SYT9: variants seen among roughly 807,000 people sequenced by gnomAD.
SYT9 encodes the protein synaptotagmin 9.
Under a neutral mutation model 48.4 loss-of-function variants are expected in SYT9, and 22 were observed. That is an observed-to-expected ratio of 0.45 (90% CI 0.32 to 0.65). The LOEUF (loss-of-function observed/expected upper bound fraction) is 0.65, where lower values mean the gene tolerates loss of function less well. Among genes scored for constraint, SYT9 ranks in the 30% least tolerant of loss-of-function variants. The probability of loss-of-function intolerance (pLI) is 0.03; values close to 1 mark genes in which losing one functional copy is unlikely to be tolerated. For missense variants in SYT9, 577 were observed against 622.0 expected (o/e 0.93, Z 0.77); for synonymous variants, 265 against 245.0 (o/e 1.08, Z -0.76).
chr11:7,376,178 A>C (rs1850448575), intron 3 of SYT9, among the ~76,000 whole-genome samples: 1 of 152,058 alleles, frequency 6.6e-6, no homozygotes, highest in Non-Finnish European at 1.5e-5. Flanking sequence ...AGTATAATGC[A>C]TGGTACATGG....
chr11:7,289,126 A>G (rs897297432), intron 1 of SYT9, among the ~76,000 whole-genome samples: 3 of 152,208 alleles, frequency 2.0e-5, no homozygotes, highest in Non-Finnish European at 4.4e-5. Context: ...TCTCCAGAGC[A>G]TCATTTGAGA....
At chr11:7,424,265 A>G (rs1044150877) in intron 6 of SYT9, among the ~76,000 whole-genome samples, 1 of 152,168 alleles carries the variant, frequency 6.6e-6, no homozygotes, top group African/African-American at 2.4e-5. Flanking sequence ...GTCAGCCAGT[A>G]GGGCTCCCTT....
chr11:7,405,967 G>A (rs1210038883), intron 3 of SYT9, among the ~76,000 whole-genome samples: 1 of 151,998 alleles, frequency 6.6e-6, no homozygotes, highest in Admixed American at 6.6e-5. Context: ...TTGAACTAGG[G>A]GCTGTTCTAG....
intron 3 of SYT9, among the ~76,000 whole-genome samples, chr11:7,385,791 G>T (rs1375424201): frequency 6.6e-6 from 1 of 152,152 alleles, no homozygotes; most frequent in East Asian, 1.9e-4. Context: ...TAGTTCAGTT[G>T]CATTCTCATA....
intron 3 of SYT9, among the ~76,000 whole-genome samples, chr11:7,314,770 G>C (rs772508043): frequency 2.6e-5 from 4 of 152,200 alleles, no homozygotes; most frequent in Non-Finnish European, 4.4e-5. Context: ...CAAATTCCCT[G>C]AGATAACTTT....
At chr11:7,247,494 TATATATACAC>T (rs1847804983), upstream of SYT9, among the ~76,000 whole-genome samples, 1 of 149,780 alleles carries the variant, frequency 6.7e-6, no homozygotes, top group Admixed American at 6.7e-5. Context: ...TACACACACA[TATATATACAC>T]ATATATACAT....
intron 2 of SYT9, among the ~76,000 whole-genome samples, chr11:7,306,429 T>A (rs529608877): frequency 6.6e-6 from 1 of 152,348 alleles, no homozygotes; most frequent in South Asian, 2.1e-4. Flanking sequence ...ACTGCCACAG[T>A]CTGCTTCCAA....
chr11:7,286,518 T>C (rs1013588112), intron 1 of SYT9, among the ~76,000 whole-genome samples: 13 of 152,250 alleles, frequency 8.5e-5, no homozygotes, highest in African/African-American at 3.1e-4. Context: ...TTTTCCTCAT[T>C]GTGTTCATGA....
chr11:7,446,150 C>G (rs1351571709), intron 6 of SYT9, among the ~76,000 whole-genome samples: 1 of 152,204 alleles, frequency 6.6e-6, no homozygotes, highest in Non-Finnish European at 1.5e-5. Context: ...TGCCTATCAC[C>G]GAGCCAAGGG....
At chr11:7,449,950 C>T (rs1303265018) in intron 6 of SYT9, among the ~76,000 whole-genome samples, 2 of 152,140 alleles carry the variant, frequency 1.3e-5, no homozygotes, top group Admixed American at 6.5e-5. Flanking sequence ...GCTAACTTCT[C>T]AACTCCTGTC....
At chr11:7,355,666 G>C (rs1004951691) in intron 3 of SYT9, among the ~76,000 whole-genome samples, 3 of 152,180 alleles carry the variant, frequency 2.0e-5, no homozygotes, top group Non-Finnish European at 1.5e-5. Context: ...ATGCTATTGC[G>C]AAGTGAAAGA....
At chr11:7,288,675 C>T (rs372790800) in intron 1 of SYT9, among the ~76,000 whole-genome samples, 6 of 152,326 alleles carry the variant, frequency 3.9e-5, no homozygotes, top group African/African-American at 1.4e-4. Flanking sequence ...CATTTGTCCT[C>T]CTTCTCATTT....
intron 3 of SYT9, among the ~76,000 whole-genome samples, chr11:7,386,613 A>G (rs544957852): frequency 1.3e-5 from 2 of 152,348 alleles, no homozygotes; most frequent in East Asian, 3.9e-4. Flanking sequence ...AGCTCACACC[A>G]GTTAGAATGG....
chr11:7,240,304 G>A (rs529599087), intron 1 of SYT9, among the ~76,000 whole-genome samples: 5 of 152,130 alleles, frequency 3.3e-5, no homozygotes, highest in East Asian at 3.9e-4. Context: ...TTTAACTTGC[G>A]TCTGTGTTTG....
At chr11:7,463,552 A>C (rs79091032) in intron 6 of SYT9, among the ~76,000 whole-genome samples, 9,209 of 152,236 alleles carry the variant, frequency 0.06, 320 homozygotes, top group Middle Eastern at 0.12. Context: ...CTTTTTCAGA[A>C]CTGACTTGTA....
chr11:7,305,486 G>T (rs1849014487), intron 2 of SYT9, among the ~76,000 whole-genome samples: 2 of 152,088 alleles, frequency 1.3e-5, no homozygotes, highest in South Asian at 2.1e-4. Context: ...GGATTGTGTT[G>T]CATCATGAGA....
In SYT9 at chr11:7,320,036, T is replaced by TA. The variant is rs35345433; in HGVS notation, c.1044+6100dup. The stretch of plus-strand genomic sequence containing the variant: ...TGCTATATGGCTCAAAGCTTATTTT[T>TA]AAAAAGCCATTTTGCTTATACTAAC... On this transcript the variant is annotated intron_variant, in intron 3 of 6. Coordinates refer to ENST00000318881, the MANE Select transcript of SYT9 (RefSeq NM_175733.4). Among the ~76,000 whole-genome samples the TA allele has an allele frequency of 9.1e-3, 1,384 of 152,314 alleles. 18 individuals carry two copies. The highest frequency in any genetic ancestry group is 0.028 in the African/African-American group (1,162 of 41,564).
At chr11:7,416,462 A>C (rs76993023) in intron 4 of SYT9, among the ~76,000 whole-genome samples, 239 of 152,364 alleles carry the variant, frequency 1.6e-3, no homozygotes, top group African/African-American at 5.6e-3. Context: ...ATTGTTAATT[A>C]TTGTTATTAT....
chr11:7,392,582 GT>G (rs147959137), intron 3 of SYT9, among the ~76,000 whole-genome samples: 3 of 151,512 alleles, frequency 2.0e-5, no homozygotes, highest in Non-Finnish European at 2.9e-5. Flanking sequence ...TATTCAGGCT[GT>G]TTTTTTTATT....
Sources: gnomAD v4.1 joint callset for allele counts (sites outside exome capture counted in the v4.1 genomes callset) on GRCh38, gnomAD v4.1.1 for gene constraint, MANE v1.5 for transcripts, NCBI Gene and HGNC (gene_info 2026-07-23, HGNC 2026-07-21) for gene names.